The following PLCH2 variants were observed in gnomAD, a reference collection of about 807,000 sequenced individuals.
The protein encoded by PLCH2 is phospholipase C eta 2.
PLCH2 carries 98 observed loss-of-function variants against 134.7 expected under a neutral mutation model. The ratio of observed to expected loss-of-function variants is 0.73; its 90% CI spans 0.62 to 0.86. The LOEUF is 0.86. Among genes scored for constraint, PLCH2 ranks in the 40% least tolerant of loss-of-function variants. The probability of loss-of-function intolerance (pLI) is 0.00; values close to 1 mark genes in which losing one functional copy is unlikely to be tolerated. For synonymous variants in PLCH2, 974 were observed against 827.5 expected (o/e 1.18, Z -3.04); for missense variants, 1,994 against 1,986.6 (o/e 1.00, Z -0.07).
In PLCH2 at chr1:2,502,359, C is replaced by T. The variant is rs1570500293; in HGVS notation, c.2909C>T (p.Pro970Leu). 6.5e-7 allele frequency: 1 copy of T among 1,540,610 alleles called. No homozygotes were observed. Among genetic ancestry groups the T allele is most frequent in the Admixed American group, 2.0e-5 (1 of 50,168 alleles). ...ADDVVPPGPG[P>L]APEAPAQEGP... Reference sequence around the variant, plus strand: ...GATGTGGTGCCCCCCGGGCCCGGACCTGCTCCGGAAGCCCCAGCCCAGGAG... The same window carrying T: ...GATGTGGTGCCCCCCGGGCCCGGACTTGCTCCGGAAGCCCCAGCCCAGGAG... Residue 970 changes from proline (P) to leucine (L), a missense_variant, in exon 21 of 22, where the codon CCT becomes CTT. Transcript: ENST00000378486.
intron 4 of PLCH2, among the ~76,000 whole-genome samples, chr1:2,483,715 C>T (rs922175833): frequency 6.6e-6 from 1 of 151,838 alleles, no homozygotes; most frequent in Non-Finnish European, 1.5e-5. Flanking sequence ...CCTTGGGTTT[C>T]TGCTGGGATG....
At chr1:2,436,442 TTCCTCCC>T (rs1462216128) in intron 2 of PLCH2, among the ~76,000 whole-genome samples, 1 of 24,514 alleles carries the variant, frequency 4.1e-5, no homozygotes, top group African/African-American at 3.0e-4. Flanking sequence ...CCCTCCTCCC[TTCCTCCC>T]TTCCTCCCTC....
At chr1:2,499,972 G>C in intron 20 of PLCH2, 1 of 585,938 alleles carries the variant, frequency 1.7e-6, no homozygotes, top group Non-Finnish European at 3.1e-6. Context: ...TGAGTGCTCC[G>C]GGCCTTGCCC....
chr1:2,441,287 C>G (rs529721964), intron 2 of PLCH2, among the ~76,000 whole-genome samples: 1 of 152,368 alleles, frequency 6.6e-6, no homozygotes, highest in Non-Finnish European at 1.5e-5. Context: ...GGGCACCACA[C>G]GTATGGTCCC....
intron 2 of PLCH2, among the ~76,000 whole-genome samples, chr1:2,442,932 A>G (rs1639756005): frequency 6.6e-6 from 1 of 152,176 alleles, no homozygotes; most frequent in Non-Finnish European, 1.5e-5. Context: ...CCTGCAGCAG[A>G]GCGGGGAACC....
intron 2 of PLCH2, among the ~76,000 whole-genome samples, chr1:2,459,096 TG>T (rs1332045822): frequency 1.3e-5 from 2 of 152,198 alleles, no homozygotes; most frequent in Non-Finnish European, 2.9e-5. Context: ...CATCTGGAGG[TG>T]GGGCTCAGGA....
chr1:2,499,299 C>A, intron 19 of PLCH2, 69 bp downstream of exon 19: 4 of 1,555,942 alleles, frequency 2.6e-6, no homozygotes, highest in Non-Finnish European at 3.5e-6. Flanking sequence ...GTACTCTTTC[C>A]CCTGTGAGTC....
At chr1:2,462,326 ACCCCTCTGCCTGACAC>A (rs1640858781) in intron 2 of PLCH2, among the ~76,000 whole-genome samples, 1 of 29,880 alleles carries the variant, frequency 3.3e-5, no homozygotes, top group Non-Finnish European at 6.3e-5. Context: ...TCTGCCTGAC[ACCCCTCTGCCTGACAC>A]CCCCTCTGCC....
chr1:2,491,422 C>A, intron 11 of PLCH2, 87 bp downstream of exon 11: 2 of 1,390,924 alleles, frequency 1.4e-6, no homozygotes, highest in Admixed American at 1.9e-5. Flanking sequence ...CGAACGTATG[C>A]TCTGTGCGCA....
At chr1:2,497,352 C>T (rs1642952251) in intron 15 of PLCH2, 150 bp from the exon 16 acceptor site, 3 of 647,322 alleles carry the variant, frequency 4.6e-6, no homozygotes, top group East Asian at 5.5e-5. Flanking sequence ...AGGTGTGAAC[C>T]TTGGAGTCCC....
chr1:2,460,475 C>G (rs1374665352), intron 2 of PLCH2, among the ~76,000 whole-genome samples: 1 of 152,240 alleles, frequency 6.6e-6, no homozygotes, highest in African/African-American at 2.4e-5. Context: ...GGTCTTGGCC[C>G]CGGGGCATGG....
At chr1:2,480,728 G>A (rs1489458853) in intron 4 of PLCH2, among the ~76,000 whole-genome samples, 2 of 152,234 alleles carry the variant, frequency 1.3e-5, no homozygotes, top group Admixed American at 6.5e-5. Context: ...GCAGCAGCTC[G>A]TTACTTTCCC....
chr1:2,416,304 C>G, the PLCH2 span, among the ~76,000 whole-genome samples: 3 of 152,188 alleles, frequency 2.0e-5, no homozygotes, highest in Non-Finnish European at 2.9e-5. Flanking sequence ...GCAGTTCTGG[C>G]TTCAGGGGTG....
chr1:2,459,176 G>GTGTT (rs1401352852), intron 2 of PLCH2, among the ~76,000 whole-genome samples: 2 of 152,244 alleles, frequency 1.3e-5, no homozygotes, highest in East Asian at 3.8e-4. Context: ...TGGGCCTCCC[G>GTGTT]TTGGCCCTGC....
chr1:2,458,778 T>A (rs1187143421), intron 2 of PLCH2, among the ~76,000 whole-genome samples: 1 of 152,174 alleles, frequency 6.6e-6, no homozygotes, highest in Admixed American at 6.5e-5. Flanking sequence ...AGGGATGATC[T>A]CGAGGCCACG....
chr1:2,438,137 GGC>G (rs1337942041), intron 2 of PLCH2, among the ~76,000 whole-genome samples: 1 of 152,240 alleles, frequency 6.6e-6, no homozygotes, highest in African/African-American at 2.4e-5. Flanking sequence ...CCAGCCACCT[GGC>G]TCAGAGCCCT....
At chr1:2,457,021 G>T (rs1284762781) in intron 2 of PLCH2, among the ~76,000 whole-genome samples, 1 of 152,168 alleles carries the variant, frequency 6.6e-6, no homozygotes, top group South Asian at 2.1e-4. Flanking sequence ...TTTCAAAGGG[G>T]CAAGAGCCAC....
In PLCH2 at chr1:2,480,362, G is replaced by A. The variant is rs763375114; in HGVS notation, c.645+50G>A. The A allele has an allele frequency of 1.1e-5, 18 of 1,584,140 alleles. No individual in the cohort carries two copies. In the East Asian group the frequency reaches 3.4e-4, roughly 30 times the overall value. On this transcript the variant is annotated intron_variant, in intron 4 of 21. Transcript: ENST00000378486. ...GGCTCCAGAGCCAGGGCTGCACGGG[G>A]GCTGTGCTTGTGTGGCTGGGAGCCT...
chr1:2,504,861 C>A lies in PLCH2; in HGVS notation c.3899C>A (p.Thr1300Lys). 2 of 1,599,612 alleles carry A rather than the reference C, an allele frequency of 1.3e-6. No individual in the cohort carries two copies. Among genetic ancestry groups the A allele is most frequent in the Non-Finnish European group, 1.7e-6 (2 of 1,173,360 alleles). The change falls in exon 22 of 22, where the codon ACA becomes AAA. Residue 1300 changes from threonine to lysine, a missense_variant. By Grantham distance (78) the Thr-to-Lys change is moderately conservative. Around this residue, in one of 2 missense-constraint regions of PLCH2, gnomAD observed 900 missense variants for 752.3 expected, o/e 1.20. Transcript: ENST00000378486. ...SGPGVRRDTLTEQLRWLTVFQ... is the reference protein window; with the variant it reads ...SGPGVRRDTLKEQLRWLTVFQ... ...CCAGGGGTGAGACGGGACACCCTGACAGAGCAGCTGCGCTGGCTCACTGTC... is the reference window on the plus strand; with the variant it reads ...CCAGGGGTGAGACGGGACACCCTGAAAGAGCAGCTGCGCTGGCTCACTGTC...
Sources: allele counts gnomAD v4.1 joint callset (sites outside exome capture counted in the v4.1 genomes callset), GRCh38; gene constraint gnomAD v4.1.1; regional missense constraint gnomAD v4.1.1; transcripts MANE v1.5; gene names NCBI Gene and HGNC (gene_info 2026-07-23, HGNC 2026-07-21).